The following CD81 variants were observed in gnomAD, a reference collection of about 807,000 sequenced individuals.
CD81 encodes CD81 antigen.
CD81 carries 10 observed loss-of-function variants against 30.1 expected under a neutral mutation model. That is an observed-to-expected ratio of 0.33 (90% CI 0.21 to 0.56). The LOEUF (loss-of-function observed/expected upper bound fraction) is 0.56, where lower values mean the gene tolerates loss of function less well. CD81 is among the 20% of genes least tolerant of loss of function. CD81 has a pLI of 0.89. For synonymous variants in CD81, 147 were observed against 126.4 expected, an observed-to-expected ratio of 1.16 and a Z score of -1.10; for missense variants, 263 against 308.7, an observed-to-expected ratio of 0.85 and a Z score of 1.11.
chr11:2,394,840 C>G, intron 3 of CD81, 132 bp from the exon 4 acceptor site: 1 of 827,714 alleles, frequency 1.2e-6, no homozygotes, highest in Non-Finnish European at 2.1e-6. Flanking sequence ...GCCGCTCACT[C>G]CTGGTCAGGT....
At chr11:2,390,134 C>A in intron 1 of CD81, 1 of 566,658 alleles carries the variant, frequency 1.8e-6, no homozygotes, top group Non-Finnish European at 3.2e-6. Context: ...CAGATTTAAC[C>A]GGCGTCCCGT....
chr11:2,385,530 G>T, intron 1 of CD81: 1 of 262,860 alleles, frequency 3.8e-6, no homozygotes, highest in South Asian at 3.7e-5. Flanking sequence ...GTGCTGTGGC[G>T]TGCCCGTCGT....
Position 2,396,971 on chromosome 11 carries a change from C to T in CD81, c.*105C>T. ...TGTGTATATAACGTTTCCGGTATTA[C>T]TCTGCTACACGTAGCCTTTTTACTT... On this transcript the variant is annotated 3_prime_UTR_variant, in exon 8 of 8. Coordinates refer to ENST00000263645, the MANE Select transcript of CD81 (RefSeq NM_004356.4). The T allele has an allele frequency of 9.5e-7, 1 of 1,053,788 alleles. No homozygotes were observed. Among genetic ancestry groups the T allele is most frequent in the Admixed American group, 1.9e-5 (1 of 53,090 alleles). The allele number at this position is 1,053,788 out of a possible 1,614,324, so 65.3% of individuals were successfully genotyped here.
At chr11:2,384,955 ACT>A (rs1849764517) in intron 1 of CD81, among the ~76,000 whole-genome samples, 1 of 151,656 alleles carries the variant, frequency 6.6e-6, no homozygotes, top group African/African-American at 2.4e-5. Context: ...TGAAAGCGGG[ACT>A]CTCTTTTAAC....
chr11:2,390,114 A>T, intron 1 of CD81: 1 of 535,364 alleles, frequency 1.9e-6, no homozygotes, highest in South Asian at 2.0e-5. Context: ...TTCTGTTTTC[A>T]TCTGAGAGGC....
At chr11:2,393,949 G>A (rs758523706) in intron 2 of CD81, 146 bp from the exon 3 acceptor site, 2 of 719,046 alleles carry the variant, frequency 2.8e-6, no homozygotes, top group African/African-American at 3.5e-5. Flanking sequence ...TGGGATGTGA[G>A]GTCCCTTGCT....
rs185762585 is a variant in CD81 at position 2,385,488 on chromosome 11, C to T, written c.67-4924C>T. 3.0e-4 allele frequency among the ~76,000 whole-genome samples: 45 copies of T among 151,648 alleles called. No individual in the cohort carries two copies. In the East Asian group the frequency reaches 7.2e-3, roughly 24 times the overall value. ...CAGCATGATTACCCAGAGGCGCACCCGTGCCGTGGCCTGCCCGTCGTCTAT... is the reference window on the plus strand; with the variant it reads ...CAGCATGATTACCCAGAGGCGCACCTGTGCCGTGGCCTGCCCGTCGTCTAT... On this transcript the variant is annotated intron_variant, in intron 1 of 7. Coordinates refer to ENST00000263645, the MANE Select transcript of CD81 (RefSeq NM_004356.4).
chr11:2,396,946 T>C lies in CD81; in HGVS notation c.*80T>C. On this transcript the variant is annotated 3_prime_UTR_variant, in exon 8 of 8. Coordinates refer to ENST00000263645, the MANE Select transcript of CD81 (RefSeq NM_004356.4). Reference sequence around the variant, plus strand: ...CACTTCCGAGGGGGCCATCACCGCCTGTGTATATAACGTTTCCGGTATTAC... The same window carrying C: ...CACTTCCGAGGGGGCCATCACCGCCCGTGTATATAACGTTTCCGGTATTAC... 2 of 1,323,212 alleles carry C rather than the reference T, an allele frequency of 1.5e-6. No individual in the cohort carries two copies. Among genetic ancestry groups the C allele is most frequent in the Non-Finnish European group, 2.2e-6 (2 of 925,872 alleles). The allele number at this position is 1,323,212 out of a possible 1,614,324, so 82.0% of individuals were successfully genotyped here. A position where few individuals can be genotyped will look rare whatever the true frequency, so the allele number is the denominator to read the frequency against.
chr11:2,391,534 T>G (rs1849900648), intron 2 of CD81: 2 of 152,178 alleles, frequency 1.3e-5, no homozygotes. Context: ...CATGCCCCGC[T>G]CATGGGTCAG....
At position 2,395,967 on chromosome 11, in the gene CD81, C is replaced by T; in HGVS notation, c.558C>T (p.Phe186=). Residue 186 remains phenylalanine (F), a synonymous_variant, in exon 6 of 8, where the codon TTC becomes TTT. Coordinates refer to ENST00000263645, the MANE Select transcript of CD81 (RefSeq NM_004356.4). ...PSGSNIISNL[F]KEDCHQKIDD... is the part of the protein sequence containing the mutation. ...GCAGCAACATCATCAGCAACCTCTT[C>T]AAGGTGCGCGAGGCCGGTGGGGCCG... 1 of 1,606,960 alleles carries T rather than the reference C, an allele frequency of 6.2e-7. No homozygotes were observed. Among genetic ancestry groups the T allele is most frequent in the East Asian group, 2.2e-5 (1 of 44,866 alleles).
chr11:2,395,549 G>C, intron 5 of CD81, 29 bp downstream of exon 5: 1 of 1,564,344 alleles, frequency 6.4e-7, no homozygotes, highest in Non-Finnish European at 8.8e-7. Flanking sequence ...AGGGCGGGGA[G>C]CAGGGCCCCG....
intron 1 of CD81, chr11:2,390,137 C>T (rs1008830480): frequency 1.4e-5 from 8 of 571,218 alleles, no homozygotes; most frequent in South Asian, 4.0e-5. Flanking sequence ...ATTTAACCGG[C>T]GTCCCGTGTC....
chr11:2,377,748 A>G lies in CD81; in HGVS notation c.66+133A>G. On this transcript the variant is annotated intron_variant, in intron 1 of 7. Coordinates refer to ENST00000263645, the MANE Select transcript of CD81 (RefSeq NM_004356.4). This position sits in a 1 kb window ranked among gnomAD's most constrained non-coding sequence, Gnocchi z 7.7. ...AGTTGTGGGGCCACCTGTGGGCTCC[A>G]GGAGCGGGGTGGGGGGTCGCCCGGG... is the stretch of plus-strand genomic sequence containing the variant. 1 of 355,824 alleles carries G rather than the reference A, an allele frequency of 2.8e-6. No homozygotes were observed. The highest frequency in any genetic ancestry group is 4.8e-6 in the Non-Finnish European group (1 of 209,344). 22.0% of individuals were successfully genotyped at this position (355,824 alleles called of 1,614,324 possible). A position where few individuals can be genotyped will look rare whatever the true frequency, so the allele number is the denominator to read the frequency against.
chr11:2,394,223 C>T, intron 3 of CD81, 31 bp downstream of exon 3: 1 of 1,484,708 alleles, frequency 6.7e-7, no homozygotes, highest in Non-Finnish European at 9.4e-7. Context: ...TGTGCCTGGG[C>T]CGGGGAGGGG....
intron 1 of CD81, chr11:2,382,413 G>C (rs1016643993): frequency 1.3e-5 from 2 of 152,248 alleles, no homozygotes; most frequent in African/African-American, 4.8e-5. Flanking sequence ...CTTGGCCAGA[G>C]CCTGGTGGAT....
chr11:2,390,134 C>T (rs538235298), intron 1 of CD81: 21 of 566,658 alleles, frequency 3.7e-5, no homozygotes, highest in East Asian at 1.5e-4. Context: ...CAGATTTAAC[C>T]GGCGTCCCGT....
At position 2,377,670 on chromosome 11, in the gene CD81, G is replaced by A; in HGVS notation, c.66+55G>A. 1 of 1,240,904 alleles carries A rather than the reference G, an allele frequency of 8.1e-7. No homozygotes were observed. Among genetic ancestry groups the A allele is most frequent in the Non-Finnish European group, 1.1e-6 (1 of 898,492 alleles). 76.9% of individuals were successfully genotyped at this position (1,240,904 alleles called of 1,614,324 possible). ...AGGGGGCAGGCACACACTCCACGTT[G>A]GGCAGGTCCCGCGGCAGCGTGCTAG... is the stretch of plus-strand genomic sequence containing the variant. On this transcript the variant is annotated intron_variant, in intron 1 of 7. Coordinates refer to ENST00000263645, the MANE Select transcript of CD81 (RefSeq NM_004356.4). The surrounding 1 kb of genome is among the most constrained non-coding windows in gnomAD (Gnocchi z 7.7).
chr11:2,389,394 G>T (rs1253106443), intron 1 of CD81, among the ~76,000 whole-genome samples: 1 of 152,156 alleles, frequency 6.6e-6, no homozygotes, highest in Admixed American at 6.5e-5. Context: ...AGAGGGCTGG[G>T]CACTGCCCCT....
chr11:2,396,976 C>A lies in CD81; in HGVS notation c.*110C>A. 1 of 1,010,204 alleles carries A rather than the reference C, an allele frequency of 9.9e-7. No homozygotes were observed. Among genetic ancestry groups the A allele is most frequent in the Non-Finnish European group, 1.5e-6 (1 of 659,030 alleles). The allele number at this position is 1,010,204 out of a possible 1,614,324, so 62.6% of individuals were successfully genotyped here. A position where few individuals can be genotyped will look rare whatever the true frequency, so the allele number is the denominator to read the frequency against. ...ATATAACGTTTCCGGTATTACTCTG[C>A]TACACGTAGCCTTTTTACTTTTGGG... On this transcript the variant is annotated 3_prime_UTR_variant, in exon 8 of 8. Coordinates refer to ENST00000263645, the MANE Select transcript of CD81 (RefSeq NM_004356.4).
Sources: gnomAD v4.1 joint callset for allele counts (sites outside exome capture counted in the v4.1 genomes callset) on GRCh38, gnomAD v4.1.1 for gene constraint, Gnocchi (gnomAD v3.1) non-coding constraint, MANE v1.5 for transcripts, NCBI Gene and HGNC (gene_info 2026-07-23, HGNC 2026-07-21) for gene names.